EFCAB6: variants seen among roughly 807,000 people sequenced by gnomAD.
EFCAB6 encodes EF-hand calcium binding domain 6.
Under a neutral mutation model 169.8 loss-of-function variants are expected in EFCAB6, and 156 were observed. The observed-to-expected ratio is 0.92, with a 90% CI of 0.81 to 1.05. The LOEUF (loss-of-function observed/expected upper bound fraction) is 1.05, where lower values mean the gene tolerates loss of function less well. Ranked by LOEUF, EFCAB6 falls within the 50% of genes least tolerant of loss-of-function variation. The pLI is 0.00. For missense variants in EFCAB6, 1,800 were observed against 1,829.1 expected, an observed-to-expected ratio of 0.98 and a Z score of 0.29; for synonymous variants, 698 against 676.4, an observed-to-expected ratio of 1.03 and a Z score of -0.50.
intron 6 of EFCAB6, among the ~76,000 whole-genome samples, chr22:43,738,253 TTCAC>T (rs2060236554): frequency 7.2e-6 from 1 of 139,750 alleles, no homozygotes. Flanking sequence ...CACACATATA[TTCAC>T]TCACACACAT....
At chr22:43,673,643 G>T (rs2057592117) in intron 13 of EFCAB6, among the ~76,000 whole-genome samples, 1 of 152,062 alleles carries the variant, frequency 6.6e-6, no homozygotes, top group South Asian at 2.1e-4. Flanking sequence ...AGCTGGGTGT[G>T]GTGGTGTGCG....
intron 6 of EFCAB6, among the ~76,000 whole-genome samples, chr22:43,749,700 A>G (rs1483644853): frequency 6.6e-6 from 1 of 152,118 alleles, no homozygotes; most frequent in Non-Finnish European, 1.5e-5. Flanking sequence ...GCCACCAACC[A>G]GTACAGGTCT....
intron 3 of EFCAB6, among the ~76,000 whole-genome samples, chr22:43,781,337 T>A (rs1300740768): frequency 6.6e-6 from 1 of 152,160 alleles, no homozygotes; most frequent in Non-Finnish European, 1.5e-5. Flanking sequence ...TATTATTATT[T>A]TTTTGAGACA....
At chr22:43,805,744 T>A (rs1603393948) in intron 2 of EFCAB6, among the ~76,000 whole-genome samples, 1 of 152,172 alleles carries the variant, frequency 6.6e-6, no homozygotes, top group Non-Finnish European at 1.5e-5. Context: ...ATATCTCAGG[T>A]GATGGATATC....
At chr22:43,659,045 C>T (rs1410082351) in intron 17 of EFCAB6, among the ~76,000 whole-genome samples, 2 of 152,182 alleles carry the variant, frequency 1.3e-5, no homozygotes, top group East Asian at 1.9e-4. Flanking sequence ...CCCGCTGTGC[C>T]GACAGCAGTC....
At chr22:43,735,161 G>C (rs925784180) in intron 7 of EFCAB6, among the ~76,000 whole-genome samples, 1 of 152,124 alleles carries the variant, frequency 6.6e-6, no homozygotes, top group Non-Finnish European at 1.5e-5. Context: ...CAAACATTTG[G>C]CTTCTTCTAA....
intron 16 of EFCAB6, among the ~76,000 whole-genome samples, chr22:43,667,897 C>T (rs1291211984): frequency 2.6e-5 from 4 of 152,176 alleles, no homozygotes; most frequent in African/African-American, 9.7e-5. Context: ...GTCTCTTGCG[C>T]CCCATATTTT....
At chr22:43,725,334 T>C (rs1449272551) in intron 8 of EFCAB6, among the ~76,000 whole-genome samples, 3 of 151,814 alleles carry the variant, frequency 2.0e-5, no homozygotes, top group Non-Finnish European at 4.4e-5. Context: ...AGAGATGGGG[T>C]TTCTCCATGT....
chr22:43,632,214 GT>G lies in EFCAB6; in HGVS notation c.2122del (p.Thr708ProfsTer14). 6.2e-7 allele frequency: 1 copy of G among 1,613,516 alleles called. No individual in the cohort carries two copies. Among genetic ancestry groups the G allele is most frequent in the Non-Finnish European group, 8.5e-7 (1 of 1,179,792 alleles). On this transcript the variant is annotated frameshift_variant, in exon 19 of 32. Coordinates refer to ENST00000262726, the MANE Select transcript of EFCAB6 (RefSeq NM_022785.4). LOFTEE classifies it high-confidence loss of function. ...AGGAGTTGGAGGCTGCGGCGGAGTGGTTTCCGGCCCTCTCATTGGAGGATCT... is the reference window on the plus strand; with the variant it reads ...AGGAGTTGGAGGCTGCGGCGGAGTGGTTCCGGCCCTCTCATTGGAGGATCT... Reference protein sequence around the residue: ...FEDPPMRGPETTPPQPPTPSK... With the variant: ...FEDPPMRGPEXTPPQPPTPSK...
chr22:43,693,523 A>G (rs1291851574), intron 10 of EFCAB6, among the ~76,000 whole-genome samples: 3 of 148,856 alleles, frequency 2.0e-5, no homozygotes, highest in Non-Finnish European at 4.5e-5. Flanking sequence ...ACTAAGTGCT[A>G]TGGGGCATCC....
chr22:43,756,999 G>T (rs2060978679), intron 5 of EFCAB6, among the ~76,000 whole-genome samples: 1 of 152,172 alleles, frequency 6.6e-6, no homozygotes, highest in South Asian at 2.1e-4. Flanking sequence ...GATGGAGGCA[G>T]ATGCCAGGCT....
intron 17 of EFCAB6, among the ~76,000 whole-genome samples, chr22:43,654,480 C>A (rs531704880): frequency 5.3e-5 from 8 of 152,334 alleles, no homozygotes; most frequent in African/African-American, 1.4e-4. Flanking sequence ...GTGCCCTTGA[C>A]AAGATGTGAT....
At chr22:43,626,377 G>T in intron 20 of EFCAB6, 70 bp downstream of exon 20, 1 of 1,455,074 alleles carries the variant, frequency 6.9e-7, no homozygotes, top group Non-Finnish European at 9.5e-7. Context: ...CGGACGCCAT[G>T]GAAATGCTGG....
chr22:43,794,015 AC>A (rs1437659342), intron 2 of EFCAB6, among the ~76,000 whole-genome samples: 2 of 152,072 alleles, frequency 1.3e-5, no homozygotes, highest in Non-Finnish European at 2.9e-5. Flanking sequence ...GCACTTTGAG[AC>A]CTTTTTTCAG....
At chr22:43,783,919 G>T (rs940622806) in intron 2 of EFCAB6, among the ~76,000 whole-genome samples, 3 of 151,996 alleles carry the variant, frequency 2.0e-5, no homozygotes, top group African/African-American at 7.2e-5. Context: ...AAATAAAGAA[G>T]ATTGACCAGG....
At chr22:43,749,852 T>C (rs575518670) in intron 6 of EFCAB6, among the ~76,000 whole-genome samples, 1 of 152,270 alleles carries the variant, frequency 6.6e-6, no homozygotes, top group East Asian at 1.9e-4. Flanking sequence ...AGCACTACGG[T>C]GAGTTCATTT....
intron 27 of EFCAB6, among the ~76,000 whole-genome samples, chr22:43,550,469 C>T (rs1278269738): frequency 6.6e-6 from 1 of 152,096 alleles, no homozygotes; most frequent in Non-Finnish European, 1.5e-5. Context: ...ATCAGGAGTT[C>T]AAGACCAGCC....
chr22:43,656,817 G>A (rs2056768961), intron 17 of EFCAB6, among the ~76,000 whole-genome samples: 1 of 152,088 alleles, frequency 6.6e-6, no homozygotes, highest in South Asian at 2.1e-4. Context: ...TGTGTAGGAG[G>A]CTATAGCACC....
chr22:43,728,302 A>T (rs768320960), intron 8 of EFCAB6, among the ~76,000 whole-genome samples: 1 of 152,118 alleles, frequency 6.6e-6, no homozygotes, highest in Non-Finnish European at 1.5e-5. Flanking sequence ...TTCTTTATCC[A>T]GTCTATCATT....
Sources: gnomAD v4.1 joint callset for allele counts (sites outside exome capture counted in the v4.1 genomes callset) on GRCh38, gnomAD v4.1.1 for gene constraint, MANE v1.5 for transcripts, NCBI Gene and HGNC (gene_info 2026-07-23, HGNC 2026-07-21) for gene names.